NAT1: variants seen among roughly 807,000 people sequenced by gnomAD.
NAT1 encodes the protein N-acetyltransferase 1.
For synonymous variants in NAT1, 144 were observed against 122.6 expected (o/e 1.17, Z -1.16); for missense variants, 400 against 339.2 (o/e 1.18, Z -1.41).
chr8:18,192,401 A>G (rs1433137172), intron 2 of NAT1, among the ~76,000 whole-genome samples: 1 of 152,198 alleles, frequency 6.6e-6, no homozygotes, highest in African/African-American at 2.4e-5. Flanking sequence ...GGGACTGTCA[A>G]CTAGTTCAAC....
At chr8:18,219,379 A>T in intron 1 of NAT1, 32 bp from the exon 2 acceptor site, 1 of 1,402,408 alleles carries the variant, frequency 7.1e-7, no homozygotes, top group Non-Finnish European at 9.8e-7. Context: ...GTCATGTTAT[A>T]TATTTCTGAC....
intron 2 of NAT1, among the ~76,000 whole-genome samples, chr8:18,183,625 C>T (rs111486397): frequency 1.3e-5 from 2 of 152,168 alleles, no homozygotes; most frequent in South Asian, 2.1e-4. Context: ...CCTTACAGAA[C>T]GGAAGATATG....
chr8:18,184,095 ACTCT>A (rs2096070874), intron 2 of NAT1, among the ~76,000 whole-genome samples: 1 of 150,360 alleles, frequency 6.7e-6, no homozygotes, highest in Non-Finnish European at 1.5e-5. Context: ...CTTGATGAAG[ACTCT>A]CTGTGGTGGC....
intron 2 of NAT1, among the ~76,000 whole-genome samples, chr8:18,179,300 T>C (rs1374681836): frequency 6.6e-6 from 1 of 152,150 alleles, no homozygotes; most frequent in East Asian, 1.9e-4. Flanking sequence ...TAGCAGCAGA[T>C]AAGGTGAAAA....
chr8:18,219,081 T>C (rs1000571756), intron 1 of NAT1, among the ~76,000 whole-genome samples: 2 of 152,174 alleles, frequency 1.3e-5, no homozygotes, highest in African/African-American at 4.8e-5. Flanking sequence ...ACTGGGGGCA[T>C]GGAACTTGGT....
rs577730908 is a variant in NAT1, at chr8:18,196,232, G to A, written n.93-13549G>A. On this transcript the variant is annotated intron_variant and non_coding_transcript_variant, in intron 2 of 4. Transcript: ENST00000517441. Reference sequence around the variant, plus strand: ...TCCAAAGTGCTAGGATTGCAGGCGTGAGCCACCACACCCAGCCAACTTTTA... The same window carrying A: ...TCCAAAGTGCTAGGATTGCAGGCGTAAGCCACCACACCCAGCCAACTTTTA... 7.2e-5 allele frequency among the ~76,000 whole-genome samples: 11 copies of A among 152,010 alleles called. No homozygotes were observed. The South Asian group carries it at 1.9e-3, about 26-fold the overall frequency.
chr8:18,171,256 A>G (rs1366797055), intron 2 of NAT1, among the ~76,000 whole-genome samples: 1 of 152,192 alleles, frequency 6.6e-6, no homozygotes, highest in Non-Finnish European at 1.5e-5. Flanking sequence ...TTTAATTTGG[A>G]CAGAATTGTT....
At chr8:18,203,447 C>T (rs1450947555) in intron 2 of NAT1, among the ~76,000 whole-genome samples, 2 of 152,124 alleles carry the variant, frequency 1.3e-5, no homozygotes, top group African/African-American at 4.8e-5. Context: ...GCTATCTCTC[C>T]TAGATTTTTA....
chr8:18,200,003 T>G (rs576720887), intron 2 of NAT1, among the ~76,000 whole-genome samples: 1 of 152,200 alleles, frequency 6.6e-6, no homozygotes, highest in South Asian at 2.1e-4. Context: ...TATTAAAATG[T>G]CAAAAAGTAA....
upstream of NAT1, among the ~76,000 whole-genome samples, chr8:18,205,786 T>C (rs1358342020): frequency 1.3e-5 from 2 of 152,098 alleles, no homozygotes; most frequent in Non-Finnish European, 2.9e-5. Flanking sequence ...CCTCGCAGGT[T>C]AGGTATAGTG....
At chr8:18,172,315 G>C (rs1002206846) in intron 2 of NAT1, among the ~76,000 whole-genome samples, 2 of 152,032 alleles carry the variant, frequency 1.3e-5, no homozygotes, top group African/African-American at 4.8e-5. Flanking sequence ...TCTACCTCCC[G>C]ACATGCCACT....
At chr8:18,200,243 C>T (rs1011762633) in intron 2 of NAT1, among the ~76,000 whole-genome samples, 8 of 152,036 alleles carry the variant, frequency 5.3e-5, no homozygotes, top group Admixed American at 2.6e-4. Flanking sequence ...CATGCATGCA[C>T]GTGTTCATTG....
chr8:18,207,942 G>C (rs772440492), upstream of NAT1, among the ~76,000 whole-genome samples: 5 of 152,128 alleles, frequency 3.3e-5, no homozygotes, highest in Non-Finnish European at 5.9e-5. Flanking sequence ...GCCATAAAAA[G>C]GAATCAGATC....
At chr8:18,201,090 T>C (rs1206352661) in intron 2 of NAT1, 1 of 152,228 alleles carries the variant, frequency 6.6e-6, no homozygotes, top group African/African-American at 2.4e-5. Flanking sequence ...TGATGAATAC[T>C]GACAGCATTA....
chr8:18,177,482 G>A (rs1462360275), intron 2 of NAT1, among the ~76,000 whole-genome samples: 1 of 152,036 alleles, frequency 6.6e-6, no homozygotes, highest in Non-Finnish European at 1.5e-5. Flanking sequence ...ATTTTTATAA[G>A]TCCTGAATTC....
chr8:18,206,466 T>C (rs538264976), upstream of NAT1, among the ~76,000 whole-genome samples: 3 of 152,324 alleles, frequency 2.0e-5, no homozygotes, highest in Admixed American at 2.0e-4. Flanking sequence ...TGAATGCTAT[T>C]CCTCTAAGAT....
intron 2 of NAT1, among the ~76,000 whole-genome samples, chr8:18,181,478 G>A (rs550564430): frequency 6.6e-6 from 1 of 152,068 alleles, no homozygotes; most frequent in Non-Finnish European, 1.5e-5. Flanking sequence ...GAGTCCTTAC[G>A]TTTTTCTAAA....
At chr8:18,216,834 G>C (rs1374078574) in intron 1 of NAT1, 2 of 1,237,612 alleles carry the variant, frequency 1.6e-6, no homozygotes, top group South Asian at 1.4e-5. Flanking sequence ...CACAAAAATG[G>C]TAAGGGGGAA....
At chr8:18,217,438 A>G (rs748456549) in intron 1 of NAT1, among the ~76,000 whole-genome samples, 8 of 152,360 alleles carry the variant, frequency 5.3e-5, no homozygotes, top group Non-Finnish European at 8.8e-5. Flanking sequence ...TGGGAGGAAG[A>G]TGCTGTGCCT....
Sources: allele counts gnomAD v4.1 joint callset (sites outside exome capture counted in the v4.1 genomes callset), GRCh38; gene constraint gnomAD v4.1.1; transcripts MANE v1.5; gene names NCBI Gene and HGNC (gene_info 2026-07-23, HGNC 2026-07-21).